The following ULK4 variants were observed in gnomAD, a reference collection of about 807,000 sequenced individuals.
ULK4 encodes the protein unc-51 like kinase 4, also known as inactive serine/threonine-protein kinase ULK4.
Under a neutral mutation model 160.6 loss-of-function variants are expected in ULK4, and 133 were observed. The observed-to-expected ratio is 0.83, with a 90% CI of 0.72 to 0.96. The LOEUF is 0.96. ULK4 is among the 40% of genes least tolerant of loss of function. The pLI is 0.00. For missense variants in ULK4, 1,580 were observed against 1,499.5 expected (o/e 1.05, Z -0.89); for synonymous variants, 534 against 539.8 (o/e 0.99, Z 0.15).
intron 22 of ULK4, among the ~76,000 whole-genome samples, chr3:41,730,062 GA>G (rs1371019826): frequency 1.3e-5 from 2 of 152,144 alleles, no homozygotes; most frequent in African/African-American, 4.8e-5. Flanking sequence ...AAGGGTCAAG[GA>G]AAAATTTTTT....
chr3:41,293,997 G>T (rs1046060917), intron 35 of ULK4, among the ~76,000 whole-genome samples: 2 of 152,182 alleles, frequency 1.3e-5, no homozygotes, highest in African/African-American at 4.8e-5. Context: ...GTGAATTCAG[G>T]GCCCAGCCCG....
At chr3:41,670,317 A>G (rs1472734608) in intron 29 of ULK4, among the ~76,000 whole-genome samples, 1 of 152,168 alleles carries the variant, frequency 6.6e-6, no homozygotes, top group Non-Finnish European at 1.5e-5. Flanking sequence ...CATCTCTTTC[A>G]AAATGTGAAC....
intron 35 of ULK4, among the ~76,000 whole-genome samples, chr3:41,302,077 A>G (rs1451744530): frequency 6.6e-6 from 1 of 152,180 alleles, no homozygotes; most frequent in African/African-American, 2.4e-5. Flanking sequence ...ACTTACATAC[A>G]AGCACTGAGA....
intron 32 of ULK4, among the ~76,000 whole-genome samples, chr3:41,523,927 T>TAA (rs892381202): frequency 6.6e-6 from 1 of 151,714 alleles, no homozygotes; most frequent in African/African-American, 2.4e-5. Context: ...ATCCATATAA[T>TAA]AAAAAAAAAT....
At chr3:41,680,317 G>GT (rs1258349681) in intron 29 of ULK4, among the ~76,000 whole-genome samples, 2 of 152,114 alleles carry the variant, frequency 1.3e-5, no homozygotes, top group African/African-American at 2.4e-5. Context: ...TATTCTTACA[G>GT]TACATATTAA....
intron 34 of ULK4, among the ~76,000 whole-genome samples, chr3:41,435,654 G>C (rs2083017027): frequency 6.6e-6 from 1 of 152,130 alleles, no homozygotes; most frequent in Non-Finnish European, 1.5e-5. Context: ...ACTACCTTAA[G>C]AATACAGACA....
At chr3:41,319,019 A>G (rs1326593302) in intron 35 of ULK4, among the ~76,000 whole-genome samples, 1 of 152,218 alleles carries the variant, frequency 6.6e-6, no homozygotes, top group African/African-American at 2.4e-5. Flanking sequence ...TTGGGTCTGA[A>G]AAGATATGAT....
intron 35 of ULK4, among the ~76,000 whole-genome samples, chr3:41,365,565 A>G (rs535761806): frequency 8.0e-4 from 122 of 152,358 alleles, no homozygotes; most frequent in African/African-American, 2.8e-3. Flanking sequence ...TGCTTACACT[A>G]TATCTCATTT....
At chr3:41,519,730 A>C in intron 32 of ULK4, among the ~76,000 whole-genome samples, 1 of 152,228 alleles carries the variant, frequency 6.6e-6, no homozygotes, top group East Asian at 1.9e-4. Flanking sequence ...GAACTTTAAT[A>C]TATCTTTTAC....
chr3:41,780,761 T>G (rs1007833811), intron 21 of ULK4, among the ~76,000 whole-genome samples: 31 of 152,276 alleles, frequency 2.0e-4, no homozygotes, highest in African/African-American at 7.5e-4. Context: ...AGCTATGGCT[T>G]TCTACCAAGT....
intron 36 of ULK4, 151 bp from the exon 37 acceptor site, chr3:41,247,143 C>G (rs1464594323): frequency 2.5e-6 from 2 of 793,276 alleles, no homozygotes; most frequent in Non-Finnish European, 4.2e-6. Flanking sequence ...AATCCTGGCC[C>G]ACAGTCCTGG....
In ULK4 at chr3:41,925,349, G is replaced by A. The variant is rs951611620; in HGVS notation, c.542-5531C>T. On this transcript the variant is annotated intron_variant, in intron 5 of 36. Transcript: ENST00000301831. Reference sequence around the variant, plus strand: ...AAGGGAAGCCATGATGGACTGTGCCGTGAGGAACAGTGCACTCCGGCCCAC... The same window carrying A: ...AAGGGAAGCCATGATGGACTGTGCCATGAGGAACAGTGCACTCCGGCCCAC... Among the ~76,000 whole-genome samples, 6 of 152,198 alleles carry A rather than the reference G, an allele frequency of 3.9e-5. No homozygotes were observed. The East Asian group carries it at 5.8e-4, about 15-fold the overall frequency.
At chr3:41,803,713 C>T (rs1021688142) in intron 19 of ULK4, among the ~76,000 whole-genome samples, 3 of 152,160 alleles carry the variant, frequency 2.0e-5, no homozygotes, top group East Asian at 3.9e-4. Context: ...TCAATTCCCA[C>T]CTATGAGTGA....
At chr3:41,400,459 C>A (rs963748455) in intron 34 of ULK4, among the ~76,000 whole-genome samples, 1 of 152,146 alleles carries the variant, frequency 6.6e-6, no homozygotes, top group African/African-American at 2.4e-5. Flanking sequence ...ATATGGTTTT[C>A]TTCACTCAGC....
intron 35 of ULK4, among the ~76,000 whole-genome samples, chr3:41,354,037 A>G (rs2080978081): frequency 6.6e-6 from 1 of 152,176 alleles, no homozygotes; most frequent in South Asian, 2.1e-4. Context: ...AGCCCTCTGC[A>G]TGCAGCTGGC....
At chr3:41,423,653 G>A (rs1192339465) in intron 34 of ULK4, among the ~76,000 whole-genome samples, 1 of 152,094 alleles carries the variant, frequency 6.6e-6, no homozygotes, top group Non-Finnish European at 1.5e-5. Context: ...AACAGCAAGT[G>A]AATCCTGCAC....
intron 16 of ULK4, among the ~76,000 whole-genome samples, chr3:41,892,035 C>T (rs1697987141): frequency 1.3e-5 from 2 of 152,186 alleles, no homozygotes; most frequent in South Asian, 4.1e-4. Flanking sequence ...TTACCTTATT[C>T]AAGTATAAAA....
intron 32 of ULK4, among the ~76,000 whole-genome samples, chr3:41,527,377 G>C (rs999752017): frequency 1.3e-5 from 2 of 152,226 alleles, no homozygotes; most frequent in Non-Finnish European, 2.9e-5. Flanking sequence ...TGCTTACTAT[G>C]TGTGGGACAC....
intron 31 of ULK4, among the ~76,000 whole-genome samples, chr3:41,581,018 G>T (rs971195034): frequency 6.6e-6 from 1 of 152,056 alleles, no homozygotes; most frequent in African/African-American, 2.4e-5. Context: ...TTTATTTGTG[G>T]ATTAAGGCAA....
Sources: allele counts gnomAD v4.1 joint callset (sites outside exome capture counted in the v4.1 genomes callset), GRCh38; gene constraint gnomAD v4.1.1; transcripts MANE v1.5; gene names NCBI Gene and HGNC (gene_info 2026-07-23, HGNC 2026-07-21).